The following FOXP2 variants were observed in gnomAD, a reference collection of about 807,000 sequenced individuals.
FOXP2 encodes the protein forkhead box P2, also known as forkhead box protein P2.
FOXP2 carries 12 observed loss-of-function variants against 115.8 expected under a neutral mutation model. The ratio of observed to expected loss-of-function variants is 0.10; its 90% CI spans 0.07 to 0.17. FOXP2 has a LOEUF of 0.17. FOXP2 is among the 10% of genes least tolerant of loss of function. FOXP2 has a pLI of 1.00. For synonymous variants in FOXP2, 328 were observed against 297.7 expected (o/e 1.10, Z -1.05); for missense variants, 629 against 843.5 (o/e 0.75, Z 3.15).
intron 16 of FOXP2, among the ~76,000 whole-genome samples, chr7:114,679,140 T>C (rs1312391261): frequency 6.6e-6 from 1 of 151,776 alleles, no homozygotes; most frequent in African/African-American, 2.4e-5. Context: ...AATTTTTATA[T>C]TTTTAGCAGA....
chr7:114,682,406 A>C (rs1233025760), intron 16 of FOXP2, among the ~76,000 whole-genome samples: 15 of 152,196 alleles, frequency 9.9e-5, no homozygotes, highest in Admixed American at 9.8e-4. Context: ...AGATAATTCT[A>C]CATGGGAAGA....
intron 1 of FOXP2, among the ~76,000 whole-genome samples, chr7:114,224,769 T>TC (rs1302295969): frequency 1.3e-5 from 2 of 152,178 alleles, no homozygotes; most frequent in Non-Finnish European, 2.9e-5. Context: ...ACCTCTGGCC[T>TC]CAACCTCCGT....
chr7:114,353,650 A>G (rs186501686), intron 2 of FOXP2, among the ~76,000 whole-genome samples: 1 of 152,198 alleles, frequency 6.6e-6, no homozygotes, highest in Non-Finnish European at 1.5e-5. Context: ...TAAGTATCAT[A>G]ATACTTCTGA....
chr7:114,577,215 A>G (rs1288951012), intron 3 of FOXP2, among the ~76,000 whole-genome samples: 1 of 151,944 alleles, frequency 6.6e-6, no homozygotes, highest in Non-Finnish European at 1.5e-5. Flanking sequence ...ATAAATTTCA[A>G]TACATAGGAT....
At chr7:114,622,332 G>A (rs1465143906) in intron 3 of FOXP2, among the ~76,000 whole-genome samples, 1 of 151,910 alleles carries the variant, frequency 6.6e-6, no homozygotes, top group Non-Finnish European at 1.5e-5. Flanking sequence ...GAATGGAGGT[G>A]TTATATTCTG....
intron 9 of FOXP2, 134 bp from the exon 10 acceptor site, chr7:114,653,792 G>A: frequency 4.1e-6 from 4 of 970,078 alleles, no homozygotes; most frequent in South Asian, 1.3e-5. Context: ...TCCCAGATAA[G>A]TTCCTCCTGA....
chr7:114,404,569 T>A (rs1792985924), intron 2 of FOXP2, among the ~76,000 whole-genome samples: 1 of 152,056 alleles, frequency 6.6e-6, no homozygotes, highest in South Asian at 2.1e-4. Flanking sequence ...ATTGCCTCAG[T>A]GAAGAAAAGG....
At chr7:114,685,018 G>C (rs1247829561) in intron 16 of FOXP2, among the ~76,000 whole-genome samples, 1 of 151,132 alleles carries the variant, frequency 6.6e-6, no homozygotes. Flanking sequence ...CAGAATAGTT[G>C]GGTTAGTCTT....
intron 2 of FOXP2, among the ~76,000 whole-genome samples, chr7:114,293,490 C>G (rs576473670): frequency 6.6e-6 from 1 of 152,298 alleles, no homozygotes; most frequent in African/African-American, 2.4e-5. Flanking sequence ...TAAACCACCC[C>G]TTGATTCCTG....
chr7:114,343,868 A>G (rs1460363429), intron 2 of FOXP2, among the ~76,000 whole-genome samples: 1 of 151,442 alleles, frequency 6.6e-6, no homozygotes, highest in Admixed American at 6.6e-5. Context: ...TAACCATTCT[A>G]TTTATCCGCA....
At chr7:114,218,037 T>C (rs1199577113) in intron 1 of FOXP2, among the ~76,000 whole-genome samples, 1 of 152,170 alleles carries the variant, frequency 6.6e-6, no homozygotes, top group Non-Finnish European at 1.5e-5. Flanking sequence ...TTTGTACACA[T>C]GTGATACCTT....
chr7:114,423,979 T>C (rs143937294), intron 1 of FOXP2, among the ~76,000 whole-genome samples: 1 of 151,712 alleles, frequency 6.6e-6, no homozygotes, highest in East Asian at 1.9e-4. Context: ...ATCACTGTTA[T>C]AGTTTTCTTA....
chr7:114,228,890 G>A (rs1237993918), intron 1 of FOXP2, among the ~76,000 whole-genome samples: 1 of 149,594 alleles, frequency 6.7e-6, no homozygotes, highest in Non-Finnish European at 1.5e-5. Flanking sequence ...ATAATAGTAA[G>A]TTCTCCCTTT....
chr7:114,445,362 T>C (rs1384418702), intron 2 of FOXP2, among the ~76,000 whole-genome samples: 5 of 152,198 alleles, frequency 3.3e-5, no homozygotes, highest in Admixed American at 2.6e-4. Context: ...AAAAGTGTTA[T>C]GGTGACCCTT....
intron 3 of FOXP2, among the ~76,000 whole-genome samples, chr7:114,537,565 T>C (rs1044263769): frequency 1.3e-5 from 2 of 151,618 alleles, no homozygotes; most frequent in East Asian, 3.9e-4. Context: ...AAGTGTGACA[T>C]GGTACAGAGT....
At chr7:114,382,961 A>G (rs1245387982) in intron 2 of FOXP2, among the ~76,000 whole-genome samples, 1 of 152,076 alleles carries the variant, frequency 6.6e-6, no homozygotes, top group African/African-American at 2.4e-5. Flanking sequence ...TGCGGCACCA[A>G]TCTCCATGTT....
Position 114,691,863 on chromosome 7 carries a change from G to C in FOXP2, c.*1937G>C. The C allele has an allele frequency of 2.2e-6, 1 of 446,816 alleles. No individual in the cohort carries two copies. The highest frequency in any genetic ancestry group is 4.4e-6 in the Non-Finnish European group (1 of 225,230). 27.7% of individuals were successfully genotyped at this position (446,816 alleles called of 1,614,324 possible). ...AGTCATCTATCACACCAAATAAAAG[G>C]ACATAACGGCTTTCAAAAGGGTTTT... On this transcript the variant is annotated 3_prime_UTR_variant, in exon 17 of 17. Coordinates refer to ENST00000350908, the MANE Select transcript of FOXP2 (RefSeq NM_014491.4).
At chr7:114,526,231 A>G (rs1048767342) in intron 2 of FOXP2, among the ~76,000 whole-genome samples, 4 of 147,916 alleles carry the variant, frequency 2.7e-5, no homozygotes, top group Non-Finnish European at 4.5e-5. Context: ...CTAATCCCAG[A>G]ACTTTGGGAG....
At chr7:114,160,782 CTG>C (rs34540150), upstream of FOXP2, among the ~76,000 whole-genome samples, 66 of 147,348 alleles carry the variant, frequency 4.5e-4, no homozygotes, top group South Asian at 1.5e-3. Context: ...AGTATATTTT[CTG>C]TGTGTGTGTG....
Sources: allele counts gnomAD v4.1 joint callset (sites outside exome capture counted in the v4.1 genomes callset), GRCh38; gene constraint gnomAD v4.1.1; transcripts MANE v1.5; gene names NCBI Gene and HGNC (gene_info 2026-07-23, HGNC 2026-07-21).